RASAL2: variants seen among roughly 807,000 people sequenced by gnomAD.
RASAL2 encodes the protein RAS protein activator like 2.
A neutral mutation model predicts 128.9 loss-of-function variants in RASAL2; 58 were observed. That is an observed-to-expected ratio of 0.45 (90% confidence interval 0.36 to 0.56). The LOEUF (loss-of-function observed/expected upper bound fraction) is 0.56, where lower values mean the gene tolerates loss of function less well. RASAL2 is among the 20% of genes least tolerant of loss of function. The probability of loss-of-function intolerance (pLI) is 0.00; values close to 1 mark genes in which losing one functional copy is unlikely to be tolerated. For synonymous variants in RASAL2, 561 were observed against 580.8 expected, an observed-to-expected ratio of 0.97 and a Z score of 0.49; for missense variants, 1,360 against 1,601.6, an observed-to-expected ratio of 0.85 and a Z score of 2.57.
At chr1:178,171,954 A>G (rs182765405) in intron 1 of RASAL2, among the ~76,000 whole-genome samples, 1 of 151,914 alleles carries the variant, frequency 6.6e-6, no homozygotes, top group African/African-American at 2.4e-5. Flanking sequence ...TTCATGCTCT[A>G]TTTCATATGT....
chr1:178,440,714 G>A (rs372670093), intron 6 of RASAL2, among the ~76,000 whole-genome samples: 1 of 152,108 alleles, frequency 6.6e-6, no homozygotes, highest in African/African-American at 2.4e-5. Flanking sequence ...TAGGTGCTAA[G>A]TATATAACAA....
chr1:178,197,874 G>T (rs1396747753), intron 1 of RASAL2, among the ~76,000 whole-genome samples: 1 of 151,754 alleles, frequency 6.6e-6, no homozygotes, highest in East Asian at 1.9e-4. Flanking sequence ...GACAGGCCCC[G>T]CTGTGTGATG....
intron 1 of RASAL2, among the ~76,000 whole-genome samples, chr1:178,237,370 A>G (rs576143319): frequency 3.9e-5 from 6 of 152,216 alleles, no homozygotes; most frequent in African/African-American, 9.6e-5. Flanking sequence ...ATATGAGGAT[A>G]TACATTTGGA....
At chr1:178,452,277 A>T in intron 10 of RASAL2, 139 bp from the exon 11 acceptor site, 1 of 738,802 alleles carries the variant, frequency 1.4e-6, no homozygotes, top group South Asian at 1.7e-5. Context: ...AATCAGGTAA[A>T]ACCTCATCCC....
At chr1:178,460,778 G>T (rs1678139707) in intron 14 of RASAL2, among the ~76,000 whole-genome samples, 2 of 151,798 alleles carry the variant, frequency 1.3e-5, no homozygotes, top group Admixed American at 1.3e-4. Flanking sequence ...CTGGCTTTTG[G>T]TTCATTGTTT....
chr1:178,172,945 G>A (rs1346971187), intron 1 of RASAL2, among the ~76,000 whole-genome samples: 1 of 152,076 alleles, frequency 6.6e-6, no homozygotes, highest in Non-Finnish European at 1.5e-5. Context: ...TAGAAATTCA[G>A]TGTGTCTTAA....
intron 1 of RASAL2, among the ~76,000 whole-genome samples, chr1:178,096,488 A>G (rs202011098): frequency 0.013 from 1,660 of 123,940 alleles, 17 homozygotes; most frequent in Non-Finnish European, 0.019. Context: ...GTGTGTGTGT[A>G]AGAGAGAGAG....
chr1:178,381,894 G>A lies in RASAL2; in HGVS notation c.458-8206G>A, dbSNP rs1050373105. ...TAGGCCCTATCTGTAGATTAGAAGA[G>A]ATAGTTGATGACAAAATAAAACTCA... is the stretch of plus-strand genomic sequence containing the variant. On this transcript the variant is annotated intron_variant, in intron 3 of 17. Transcript: ENST00000367649. 2.6e-5 allele frequency among the ~76,000 whole-genome samples: 4 copies of A among 152,136 alleles called. No homozygotes were observed. The South Asian group carries it at 8.3e-4, about 31-fold the overall frequency.
At position 178,164,492 on chromosome 1, in the gene RASAL2, T is replaced by TGC. The variant is rs1286434768; in HGVS notation, c.202+69799_202+69800insCG. Among the ~76,000 whole-genome samples, 369 of 144,960 alleles carry TGC rather than the reference T, an allele frequency of 2.5e-3. 1 individual carries two copies. The highest frequency in any genetic ancestry group is 9.1e-3 in the African/African-American group (357 of 39,130). On this transcript the variant is annotated intron_variant, in intron 1 of 17. Coordinates refer to ENST00000367649, the MANE Select transcript of RASAL2 (RefSeq NM_170692.4). ...ATGATAATTAGCATTTGTGTGTGTGTGTGTGTGTGTGTGCGTGTGTGTGTG... is the reference window on the plus strand; with the variant it reads ...ATGATAATTAGCATTTGTGTGTGTGTGCGTGTGTGTGTGTGCGTGTGTGTGTG...
chr1:178,203,654 T>G (rs1239956085), intron 1 of RASAL2, among the ~76,000 whole-genome samples: 1 of 152,342 alleles, frequency 6.6e-6, no homozygotes, highest in East Asian at 1.9e-4. Flanking sequence ...AGTGATTCCA[T>G]TAAACTGGAA....
At chr1:178,149,309 C>T (rs1355358885) in intron 1 of RASAL2, among the ~76,000 whole-genome samples, 3 of 152,082 alleles carry the variant, frequency 2.0e-5, no homozygotes, top group Non-Finnish European at 4.4e-5. Flanking sequence ...AATCTGTTAT[C>T]TTAAGGAGTA....
At chr1:178,459,336 TAC>T (rs1217611828) in intron 14 of RASAL2, among the ~76,000 whole-genome samples, 1 of 151,858 alleles carries the variant, frequency 6.6e-6, no homozygotes, top group Non-Finnish European at 1.5e-5. Context: ...ATATATAATA[TAC>T]ACATTCATAT....
At chr1:178,109,348 T>C (rs1659213277) in intron 1 of RASAL2, among the ~76,000 whole-genome samples, 1 of 152,184 alleles carries the variant, frequency 6.6e-6, no homozygotes, top group African/African-American at 2.4e-5. Context: ...GGAATTCTCT[T>C]GCCTCAGTCT....
chr1:178,250,694 A>C (rs758328981), intron 1 of RASAL2, among the ~76,000 whole-genome samples: 1 of 152,220 alleles, frequency 6.6e-6, no homozygotes, highest in Non-Finnish European at 1.5e-5. Context: ...CTATTAGGTC[A>C]TCTTGCCAGA....
At chr1:178,346,453 A>C (rs1346811916) in intron 3 of RASAL2, among the ~76,000 whole-genome samples, 2 of 152,048 alleles carry the variant, frequency 1.3e-5, no homozygotes, top group East Asian at 3.8e-4. Context: ...CGCTATATAC[A>C]TCCTGATATT....
chr1:178,321,912 C>T (rs1053229235), intron 3 of RASAL2, among the ~76,000 whole-genome samples: 2 of 151,550 alleles, frequency 1.3e-5, no homozygotes, highest in Admixed American at 1.3e-4. Context: ...TGCTTGAACC[C>T]AGAAGGTGGA....
chr1:178,315,500 TA>T (rs1668466219), intron 3 of RASAL2, among the ~76,000 whole-genome samples: 1 of 145,300 alleles, frequency 6.9e-6, no homozygotes, highest in Admixed American at 6.7e-5. Context: ...TGTGAGATGG[TA>T]TCTCATTGTG....
chr1:178,354,930 G>A (rs1320528130), intron 3 of RASAL2, among the ~76,000 whole-genome samples: 2 of 152,150 alleles, frequency 1.3e-5, no homozygotes, highest in Non-Finnish European at 2.9e-5. Flanking sequence ...ATCTTGTGAA[G>A]CCTGGGCAAC....
At chr1:178,454,372 C>T (rs1572104356) in intron 11 of RASAL2, 75 bp from the exon 12 acceptor site, 2 of 1,237,518 alleles carry the variant, frequency 1.6e-6, no homozygotes, top group East Asian at 2.4e-5. Context: ...AGTAATAGTT[C>T]TGTGTAATGT....
Sources: allele counts gnomAD v4.1 joint callset (sites outside exome capture counted in the v4.1 genomes callset), GRCh38; gene constraint gnomAD v4.1.1; transcripts MANE v1.5; gene names NCBI Gene and HGNC (gene_info 2026-07-23, HGNC 2026-07-21).